The following JAM3 variants were observed in gnomAD, a reference collection of about 807,000 sequenced individuals.
JAM3 encodes the protein junctional adhesion molecule 3.
JAM3 carries 31 observed loss-of-function variants against 39.4 expected under a neutral mutation model. The observed-to-expected ratio is 0.79, with a 90% CI of 0.59 to 1.06. The LOEUF is 1.06. Ranked by LOEUF, JAM3 falls within the 50% of genes least tolerant of loss-of-function variation. The pLI is 0.00. For synonymous variants in JAM3, 182 were observed against 148.7 expected, an observed-to-expected ratio of 1.22 and a Z score of -1.63; for missense variants, 455 against 391.4, an observed-to-expected ratio of 1.16 and a Z score of -1.37.
At chr11:134,076,896 G>A (rs1157706264) in intron 1 of JAM3, among the ~76,000 whole-genome samples, 6 of 146,962 alleles carry the variant, frequency 4.1e-5, no homozygotes, top group Non-Finnish European at 8.9e-5. Context: ...GTGCAGTGGT[G>A]CGATCTCGGC....
intron 1 of JAM3, among the ~76,000 whole-genome samples, chr11:134,133,733 A>G (rs1942810984): frequency 6.6e-6 from 1 of 152,164 alleles, no homozygotes; most frequent in East Asian, 1.9e-4. Context: ...TCTTACTGAA[A>G]GACTGAGACC....
At chr11:134,096,800 A>C (rs1266988102) in intron 1 of JAM3, among the ~76,000 whole-genome samples, 1 of 152,190 alleles carries the variant, frequency 6.6e-6, no homozygotes, top group Non-Finnish European at 1.5e-5. Context: ...CCTTGGGTAG[A>C]TACTGGCCAG....
chr11:134,138,336 GT>G (rs1177552474), intron 1 of JAM3, among the ~76,000 whole-genome samples: 1 of 146,176 alleles, frequency 6.8e-6, no homozygotes, highest in Non-Finnish European at 1.5e-5. Flanking sequence ...CGAAGTCGTG[GT>G]GCTCATGCTG....
At chr11:134,126,504 G>A (rs1942651167) in intron 1 of JAM3, 1 of 152,198 alleles carries the variant, frequency 6.6e-6, no homozygotes, top group African/African-American at 2.4e-5. Flanking sequence ...GTTTATCTTA[G>A]GGCAACCCAC....
intron 1 of JAM3, among the ~76,000 whole-genome samples, chr11:134,106,026 A>C (rs1232036146): frequency 6.6e-6 from 1 of 152,234 alleles, no homozygotes; most frequent in African/African-American, 2.4e-5. Flanking sequence ...ACCAAAAAAG[A>C]GCCCACATTG....
At chr11:134,076,578 G>T (rs867858062) in intron 1 of JAM3, among the ~76,000 whole-genome samples, 3 of 152,192 alleles carry the variant, frequency 2.0e-5, no homozygotes, top group Middle Eastern at 3.4e-3. Flanking sequence ...TTGTACATAT[G>T]GTGGTTTCTT....
rs902751941 is a variant in JAM3, at chr11:134,132,109, A to G, written c.77-7742A>G. On this transcript the variant is annotated intron_variant, in intron 1 of 8. Transcript: ENST00000299106. ...AAAATCTCACTAGACTCTAAGTAGA[A>G]TCAACCAAAGAGACTCACACTGAGA... Among the ~76,000 whole-genome samples, 24 of 152,322 alleles carry G rather than the reference A, an allele frequency of 1.6e-4. 1 individual carries two copies. Among genetic ancestry groups the G allele is most frequent in the Admixed American group, 1.2e-3 (18 of 15,306 alleles).
chr11:134,075,468 G>T (rs1941551875), intron 1 of JAM3, among the ~76,000 whole-genome samples: 1 of 152,136 alleles, frequency 6.6e-6, no homozygotes, highest in Non-Finnish European at 1.5e-5. Context: ...TATGTGATAA[G>T]CATTGTGCTT....
intron 1 of JAM3, among the ~76,000 whole-genome samples, chr11:134,087,396 A>G (rs1482098663): frequency 6.6e-6 from 1 of 152,230 alleles, no homozygotes; most frequent in Non-Finnish European, 1.5e-5. Context: ...CATTATGGAC[A>G]TAAAATCATG....
intron 8 of JAM3, 94 bp downstream of exon 8, chr11:134,148,912 T>G (rs1469842412): frequency 1.5e-6 from 2 of 1,305,964 alleles, no homozygotes; most frequent in East Asian, 2.4e-5. Flanking sequence ...GGAAGATTTC[T>G]GAGTGATTGT....
chr11:134,103,182 A>G (rs1474676818), intron 1 of JAM3, among the ~76,000 whole-genome samples: 1 of 152,204 alleles, frequency 6.6e-6, no homozygotes, highest in Non-Finnish European at 1.5e-5. Flanking sequence ...AACTCCGCAA[A>G]CCAGAAGAGA....
At position 134,148,596 on chromosome 11, in the gene JAM3, T is replaced by C. The variant is rs749976280; in HGVS notation, c.762T>C (p.Ala254=). ...GIIGGVLVVL[A]VLALITLGIC... ...TTGGGGGGGTTCTGGTTGTCCTTGC[T>C]GTACTGGCCCTGATCACGTTGGGCA... The change falls in exon 7 of 9, where the codon GCT becomes GCC. Residue 254 remains alanine, a synonymous_variant. Transcript: ENST00000299106. 6.2e-7 allele frequency: 1 copy of C among 1,614,088 alleles called. No homozygotes were observed. The highest frequency in any genetic ancestry group is 1.3e-5 in the African/African-American group (1 of 74,918).
At chr11:134,146,095 G>C in intron 6 of JAM3, 50 bp downstream of exon 6, 1 of 1,228,568 alleles carries the variant, frequency 8.1e-7, no homozygotes, top group Non-Finnish European at 1.2e-6. Flanking sequence ...GAAGTGAATA[G>C]AACATTTTAA....
At position 134,123,859 on chromosome 11, in the gene JAM3, A is replaced by G. The variant is rs967369257; in HGVS notation, c.77-15992A>G. On this transcript the variant is annotated intron_variant, in intron 1 of 8. Coordinates refer to ENST00000299106, the MANE Select transcript of JAM3 (RefSeq NM_032801.5). ...CAGCAGTGCCCGTTGGTATCTCTGA[A>G]GCGTAATCACATCTTAGGTCAGTAT... 1.3e-5 allele frequency: 11 copies of G among 822,104 alleles called. No individual in the cohort carries two copies. In the African/African-American group the frequency reaches 1.3e-4, roughly 10 times the overall value. The allele number at this position is 822,104 out of a possible 1,614,324, so 50.9% of individuals were successfully genotyped here. A position where few individuals can be genotyped will look rare whatever the true frequency, so the allele number is the denominator to read the frequency against.
chr11:134,088,602 G>A (rs1941786249), intron 1 of JAM3, among the ~76,000 whole-genome samples: 1 of 151,960 alleles, frequency 6.6e-6, no homozygotes, highest in African/African-American at 2.4e-5. Context: ...TTTGTGTTCT[G>A]GAATAAATTG....
intron 1 of JAM3, among the ~76,000 whole-genome samples, chr11:134,089,649 T>C (rs1259357615): frequency 6.6e-6 from 1 of 152,230 alleles, no homozygotes; most frequent in Non-Finnish European, 1.5e-5. Flanking sequence ...CATCATTTTT[T>C]ATGGCTGCAT....
intron 1 of JAM3, among the ~76,000 whole-genome samples, chr11:134,121,331 G>A (rs187246033): frequency 1.3e-5 from 2 of 152,340 alleles, no homozygotes; most frequent in Admixed American, 1.3e-4. Context: ...TTCCAAATTA[G>A]GAAAGGGAAG....
chr11:134,114,840 C>G (rs572934389), intron 1 of JAM3, among the ~76,000 whole-genome samples: 52 of 152,224 alleles, frequency 3.4e-4, no homozygotes, highest in African/African-American at 1.3e-3. Flanking sequence ...GTTAGGTGTT[C>G]TATAAATGTG....
At chr11:134,134,419 A>AAAAAC (rs1942825903) in intron 1 of JAM3, among the ~76,000 whole-genome samples, 2 of 151,326 alleles carry the variant, frequency 1.3e-5, no homozygotes, top group African/African-American at 2.4e-5. Flanking sequence ...AAAAAAAAAA[A>AAAAAC]AAACATCTAG....
Sources: gnomAD v4.1 joint callset for allele counts (sites outside exome capture counted in the v4.1 genomes callset) on GRCh38, gnomAD v4.1.1 for gene constraint, MANE v1.5 for transcripts, NCBI Gene and HGNC (gene_info 2026-07-23, HGNC 2026-07-21) for gene names.